Variants in CCDC149 observed in about 807,000 individuals in gnomAD.
CCDC149 encodes the protein coiled-coil domain-containing protein 149.
CCDC149 carries 45 observed loss-of-function variants against 59.9 expected under a neutral mutation model. That is an observed-to-expected ratio of 0.75 (90% CI 0.59 to 0.96). The LOEUF (loss-of-function observed/expected upper bound fraction) is 0.96, where lower values mean the gene tolerates loss of function less well. Ranked by LOEUF, CCDC149 falls within the 40% of genes least tolerant of loss-of-function variation. The pLI, the probability that CCDC149 is intolerant of heterozygous loss-of-function variation, is 0.00. For missense variants in CCDC149, 584 were observed against 664.7 expected (o/e 0.88, Z 1.33); for synonymous variants, 245 against 260.6 (o/e 0.94, Z 0.58).
chr4:24,931,310 A>AAAATATATATATAT (rs1553862434), intron 1 of CCDC149, among the ~76,000 whole-genome samples: 2 of 138,266 alleles, frequency 1.4e-5, no homozygotes, highest in Non-Finnish European at 3.1e-5. Flanking sequence ...TTTATTTTAA[A>AAAATATATATATAT]ATATATATAT....
At chr4:24,808,919 T>C (rs1194498469) in intron 12 of CCDC149, 100 bp from the exon 13 acceptor site, 6 of 1,162,574 alleles carry the variant, frequency 5.2e-6, no homozygotes, top group Non-Finnish European at 7.1e-6. Flanking sequence ...GCACAGGGCC[T>C]CTGAAAAAGG....
chr4:24,873,890 A>C (rs532394880), intron 2 of CCDC149, among the ~76,000 whole-genome samples, 171 bp from the exon 3 acceptor site: 1 of 152,096 alleles, frequency 6.6e-6, no homozygotes, highest in East Asian at 1.9e-4. Context: ...ATAACTACAA[A>C]CTGAACCAGA....
intron 3 of CCDC149, among the ~76,000 whole-genome samples, chr4:24,872,920 C>T (rs34216864): frequency 0.28 from 42,092 of 151,118 alleles, 5,975 homozygotes; most frequent in Admixed American, 0.32. Context: ...AGTATGTAAC[C>T]ACTGAACAGT....
intron 12 of CCDC149, among the ~76,000 whole-genome samples, chr4:24,818,403 A>G (rs183810226): frequency 6.6e-6 from 1 of 152,332 alleles, no homozygotes; most frequent in Admixed American, 6.5e-5. Flanking sequence ...GTGTATTTTT[A>G]TGGAGGTAAT....
At chr4:24,956,579 T>C (rs1016882246) in intron 1 of CCDC149, among the ~76,000 whole-genome samples, 2 of 152,084 alleles carry the variant, frequency 1.3e-5, no homozygotes, top group African/African-American at 2.4e-5. Flanking sequence ...ATCATAGCAA[T>C]TGGGCCCAGT....
At chr4:24,866,004 C>T (rs190862916) in intron 3 of CCDC149, among the ~76,000 whole-genome samples, 8 of 152,258 alleles carry the variant, frequency 5.3e-5, no homozygotes, top group South Asian at 4.1e-4. Flanking sequence ...TAAAAAGAAA[C>T]ATCTCAAAGC....
chr4:24,900,340 T>C (rs1721094223), intron 1 of CCDC149, among the ~76,000 whole-genome samples: 1 of 152,150 alleles, frequency 6.6e-6, no homozygotes, highest in Non-Finnish European at 1.5e-5. Flanking sequence ...CAATGGTGGC[T>C]CTCTCCTGAC....
At chr4:24,844,182 T>C (rs114487846) in intron 4 of CCDC149, among the ~76,000 whole-genome samples, 2,356 of 152,228 alleles carry the variant, frequency 0.015, 27 homozygotes, top group South Asian at 0.035. Flanking sequence ...CATCTGCTTG[T>C]GTCTACCCCA....
chr4:24,914,583 C>G (rs980276523), upstream of CCDC149, among the ~76,000 whole-genome samples: 4 of 142,382 alleles, frequency 2.8e-5, no homozygotes, highest in Non-Finnish European at 4.6e-5. Flanking sequence ...CACGCCCCCC[C>G]ACCCCCACCC....
chr4:24,932,718 C>G (rs1160495312), intron 1 of CCDC149, among the ~76,000 whole-genome samples: 1 of 152,114 alleles, frequency 6.6e-6, no homozygotes, highest in Admixed American at 6.6e-5. Flanking sequence ...AATTGCAACC[C>G]AGCACTGGCT....
At chr4:24,828,056 T>C (rs1351971021) in intron 9 of CCDC149, 1 of 152,130 alleles carries the variant, frequency 6.6e-6, no homozygotes, top group Non-Finnish European at 1.5e-5. Flanking sequence ...TCAGCCCTCA[T>C]TCCATTTGTA....
chr4:24,811,701 T>G (rs898495374), intron 12 of CCDC149, among the ~76,000 whole-genome samples: 3 of 151,998 alleles, frequency 2.0e-5, no homozygotes, highest in African/African-American at 7.2e-5. Context: ...GGCGAAACCC[T>G]GTCTCTACTA....
intron 9 of CCDC149, chr4:24,828,381 T>C (rs1030624431): frequency 1.3e-5 from 2 of 152,084 alleles, no homozygotes; most frequent in Non-Finnish European, 2.9e-5. Context: ...TTTGGAAGGA[T>C]ATATAAGAAA....
intron 1 of CCDC149, among the ~76,000 whole-genome samples, chr4:24,978,238 GT>G (rs1215408688): frequency 6.6e-6 from 1 of 152,182 alleles, no homozygotes; most frequent in Non-Finnish European, 1.5e-5. Context: ...GAGCTGAAAT[GT>G]GCTGTAAGTG....
chr4:24,933,262 A>T (rs1722646865), intron 1 of CCDC149, among the ~76,000 whole-genome samples: 1 of 152,218 alleles, frequency 6.6e-6, no homozygotes. Context: ...AAGATAGGAT[A>T]CTAAGTGGTA....
chr4:24,954,141 T>C (rs1020755873), intron 1 of CCDC149, among the ~76,000 whole-genome samples: 7 of 152,186 alleles, frequency 4.6e-5, no homozygotes, highest in African/African-American at 1.7e-4. Flanking sequence ...CCAAATTTTA[T>C]GAAAGACATT....
At chr4:24,899,603 T>A (rs1214915167) in intron 1 of CCDC149, among the ~76,000 whole-genome samples, 1 of 151,948 alleles carries the variant, frequency 6.6e-6, no homozygotes, top group African/African-American at 2.4e-5. Context: ...CCCAAGTGAG[T>A]CGAAAGTGGA....
intron 3 of CCDC149, among the ~76,000 whole-genome samples, chr4:24,863,550 C>T (rs1006386538): frequency 6.6e-6 from 1 of 152,228 alleles, no homozygotes; most frequent in Non-Finnish European, 1.5e-5. Context: ...GCTGTCTTCA[C>T]TCATTCCCCA....
intron 1 of CCDC149, among the ~76,000 whole-genome samples, chr4:24,961,970 T>G (rs999177620): frequency 1.7e-4 from 25 of 151,146 alleles, no homozygotes; most frequent in East Asian, 5.8e-4. Context: ...GGGATCTAAT[T>G]CAACTAAAGA....
Sources: allele counts gnomAD v4.1 joint callset (sites outside exome capture counted in the v4.1 genomes callset), GRCh38; gene constraint gnomAD v4.1.1; transcripts MANE v1.5; gene names NCBI Gene and HGNC (gene_info 2026-07-23, HGNC 2026-07-21).